Variants in ADK observed in about 807,000 individuals in gnomAD.
ADK encodes the protein adenosine kinase, also known as N6,N6-dimethyladenosine kinase.
ADK carries 24 observed loss-of-function variants against 44.7 expected under a neutral mutation model. The ratio of observed to expected loss-of-function variants is 0.54; its 90% CI spans 0.39 to 0.76. The LOEUF (loss-of-function observed/expected upper bound fraction) is 0.76. Among genes scored for constraint, ADK ranks in the 30% least tolerant of loss-of-function variants. The probability of loss-of-function intolerance (pLI) is 0.00; values close to 1 mark genes in which losing one functional copy is unlikely to be tolerated. For synonymous variants in ADK, 128 were observed against 142.6 expected, an observed-to-expected ratio of 0.90 and a Z score of 0.73; for missense variants, 321 against 425.1, an observed-to-expected ratio of 0.76 and a Z score of 2.15.
At chr10:74,597,002 CATACTT>C (rs1471640285) in intron 8 of ADK, among the ~76,000 whole-genome samples, 1 of 152,206 alleles carries the variant, frequency 6.6e-6, no homozygotes, top group African/African-American at 2.4e-5. Context: ...GCTTTCAACT[CATACTT>C]CTTACTCCTC....
chr10:74,443,820 A>G (rs1439092683), intron 6 of ADK, among the ~76,000 whole-genome samples: 1 of 152,188 alleles, frequency 6.6e-6, no homozygotes, highest in African/African-American at 2.4e-5. Flanking sequence ...CGTACATTAT[A>G]ATATGAAAGG....
At chr10:74,275,532 A>C (rs2132425385) in intron 3 of ADK, among the ~76,000 whole-genome samples, 1 of 152,352 alleles carries the variant, frequency 6.6e-6, no homozygotes, top group South Asian at 2.1e-4. Context: ...CTATGGCTAC[A>C]AGAAAAATCA....
At chr10:74,237,200 A>G (rs532318184) in intron 3 of ADK, among the ~76,000 whole-genome samples, 94 of 152,292 alleles carry the variant, frequency 6.2e-4, no homozygotes, top group Non-Finnish European at 1.1e-3. Flanking sequence ...TACTTTATCA[A>G]CTTAAGTTTA....
At chr10:74,405,016 G>T (rs1170044732) in intron 6 of ADK, among the ~76,000 whole-genome samples, 1 of 152,004 alleles carries the variant, frequency 6.6e-6, no homozygotes, top group Non-Finnish European at 1.5e-5. Flanking sequence ...ACCCTTTTAT[G>T]CCACTTGAAG....
chr10:74,443,660 G>A lies in ADK; in HGVS notation c.555+45081G>A, dbSNP rs575602959. 3.9e-5 allele frequency among the ~76,000 whole-genome samples: 6 copies of A among 152,164 alleles called. No individual in the cohort carries two copies. The South Asian group carries it at 8.3e-4, about 21-fold the overall frequency. On this transcript the variant is annotated intron_variant, in intron 6 of 10. Coordinates refer to ENST00000539909, the MANE Select transcript of ADK (RefSeq NM_006721.4). Reference sequence around the variant, plus strand: ...TCTCCGTCAATATACTAAAAATCACGAATTGTATGCTTTAAATGCAATTTA... The same window carrying A: ...TCTCCGTCAATATACTAAAAATCACAAATTGTATGCTTTAAATGCAATTTA...
intron 3 of ADK, among the ~76,000 whole-genome samples, chr10:74,276,016 C>G (rs1410883858): frequency 1.3e-5 from 2 of 152,120 alleles, no homozygotes; most frequent in African/African-American, 4.8e-5. Context: ...CACAAATTGT[C>G]TTTGCATCGT....
intron 9 of ADK, among the ~76,000 whole-genome samples, chr10:74,619,516 A>G (rs1398725785): frequency 1.3e-5 from 2 of 151,910 alleles, no homozygotes; most frequent in African/African-American, 4.8e-5. Context: ...TTTCTAAAGT[A>G]TCTGATTATT....
At chr10:74,619,918 C>A (rs1047994624) in intron 9 of ADK, among the ~76,000 whole-genome samples, 2 of 152,088 alleles carry the variant, frequency 1.3e-5, no homozygotes, top group African/African-American at 4.8e-5. Context: ...GATGAGGTCT[C>A]GCTGTGTTGC....
intron 6 of ADK, among the ~76,000 whole-genome samples, chr10:74,427,736 T>C (rs543056714): frequency 6.6e-6 from 1 of 151,858 alleles, no homozygotes; most frequent in African/African-American, 2.4e-5. Flanking sequence ...TATGTGTGTG[T>C]GTGTGTGTGT....
chr10:74,336,490 TA>T (rs1299785975), intron 4 of ADK, among the ~76,000 whole-genome samples: 1 of 152,338 alleles, frequency 6.6e-6, no homozygotes, highest in Non-Finnish European at 1.5e-5. Context: ...TACAGGTCAA[TA>T]TTTTTTGTAG....
chr10:74,497,515 T>G (rs900386411), intron 6 of ADK, among the ~76,000 whole-genome samples: 6 of 152,194 alleles, frequency 3.9e-5, no homozygotes, highest in Non-Finnish European at 8.8e-5. Context: ...CACAGTATGT[T>G]TAGTGAGTGC....
intron 7 of ADK, among the ~76,000 whole-genome samples, 153 bp from the exon 8 acceptor site, chr10:74,589,129 G>C (rs529521636): frequency 6.6e-6 from 1 of 152,060 alleles, no homozygotes; most frequent in Non-Finnish European, 1.5e-5. Flanking sequence ...AGGGAAAAAA[G>C]AAATCTTTAT....
At chr10:74,230,634 C>CT (rs1844723720) in intron 3 of ADK, among the ~76,000 whole-genome samples, 1 of 151,978 alleles carries the variant, frequency 6.6e-6, no homozygotes, top group Non-Finnish European at 1.5e-5. Context: ...CCTGCCTCTG[C>CT]TCCCAAAGTG....
intron 6 of ADK, among the ~76,000 whole-genome samples, chr10:74,493,032 G>C (rs932012229): frequency 2.6e-5 from 4 of 152,022 alleles, no homozygotes; most frequent in Admixed American, 2.6e-4. Context: ...GCCAAATAAT[G>C]ATTTGTTTTT....
chr10:74,167,008 T>TTGAG (rs1437531083), intron 1 of ADK, among the ~76,000 whole-genome samples: 1 of 152,228 alleles, frequency 6.6e-6, no homozygotes, highest in Admixed American at 6.5e-5. Flanking sequence ...ATGAGCCTTT[T>TTGAG]TGAGTATTGC....
chr10:74,380,454 T>C (rs184758026), intron 4 of ADK, among the ~76,000 whole-genome samples: 19 of 152,300 alleles, frequency 1.2e-4, no homozygotes, highest in African/African-American at 4.6e-4. Context: ...TGTTTTTCTT[T>C]ATCATGAGAA....
At chr10:74,262,807 C>T (rs1846085695) in intron 3 of ADK, among the ~76,000 whole-genome samples, 1 of 152,176 alleles carries the variant, frequency 6.6e-6, no homozygotes, top group South Asian at 2.1e-4. Context: ...GTAATATTGA[C>T]TAACTCAAGA....
chr10:74,588,312 T>C (rs1249179894), intron 7 of ADK, among the ~76,000 whole-genome samples: 1 of 152,166 alleles, frequency 6.6e-6, no homozygotes. Context: ...TTTCTCCCCT[T>C]GTCCCAAAAA....
chr10:74,397,030 A>T (rs1176842079), intron 5 of ADK, among the ~76,000 whole-genome samples: 3 of 151,674 alleles, frequency 2.0e-5, no homozygotes, highest in Admixed American at 2.0e-4. Flanking sequence ...AAGTAGTTTT[A>T]TTATCAGAAT....
Sources: allele counts gnomAD v4.1 joint callset (sites outside exome capture counted in the v4.1 genomes callset), GRCh38; gene constraint gnomAD v4.1.1; transcripts MANE v1.5; gene names NCBI Gene and HGNC (gene_info 2026-07-23, HGNC 2026-07-21).